The following SRA1 variants were observed in gnomAD, a reference collection of about 807,000 sequenced individuals.
SRA1 encodes steroid receptor RNA activator 1.
Under a neutral mutation model 24.3 loss-of-function variants are expected in SRA1, and 25 were observed. The observed-to-expected ratio is 1.03, with a 90% confidence interval of 0.75 to 1.43. SRA1 has a LOEUF of 1.43. Among genes scored for constraint, SRA1 ranks in the 40% most tolerant of loss-of-function variants. The pLI is 0.00. For synonymous variants in SRA1, 104 were observed against 109.5 expected (o/e 0.95, Z 0.31); for missense variants, 303 against 286.6 (o/e 1.06, Z -0.41).
intron 3 of SRA1, 72 bp downstream of exon 3, chr5:140,551,910 A>G (rs774791767): frequency 5.0e-5 from 70 of 1,408,708 alleles, no homozygotes; most frequent in Middle Eastern, 2.2e-4. Context: ...CAGAGGGTCT[A>G]TCTCTGGGAA....
chr5:140,551,854 G>T, intron 3 of SRA1, 128 bp downstream of exon 3: 1 of 773,102 alleles, frequency 1.3e-6, no homozygotes, highest in Non-Finnish European at 2.1e-6. Flanking sequence ...AGCAGATTCT[G>T]AAGGAGTCCG....
rs1171124173 is a variant in SRA1 at position 140,551,146 on chromosome 5, G to A, written c.378C>T (p.Ser126=). 6.2e-7 allele frequency: 1 copy of A among 1,614,098 alleles called. No individual in the cohort carries two copies. The highest frequency in any genetic ancestry group is 1.1e-5 in the South Asian group (1 of 91,070). The stretch of plus-strand genomic sequence containing the variant: ...GTTCCTGCAGCAGTGCCAGGCGTCG[G>A]CTGATGTCATCACATACCTGCTTCT... ...HTRKQVCDDI[S]RRLALLQEQW... is the part of the protein sequence containing the mutation. Residue 126 remains serine, a synonymous_variant, in exon 4 of 5, where the codon AGC becomes AGT. Coordinates refer to ENST00000336283, the MANE Select transcript of SRA1 (RefSeq NM_001035235.4).
upstream of SRA1, chr5:140,558,008 ACT>A (rs1417388237): frequency 5.9e-6 from 1 of 168,482 alleles, no homozygotes; most frequent in Non-Finnish European, 1.3e-5. Flanking sequence ...GCCTTATTTG[ACT>A]CTTGTTCGTT....
At chr5:140,552,665 A>G (rs1754598717) in intron 2 of SRA1, among the ~76,000 whole-genome samples, 1 of 151,912 alleles carries the variant, frequency 6.6e-6, no homozygotes, top group Admixed American at 6.6e-5. Context: ...AAAAAAAAAA[A>G]AAAGAAAAGA....
At chr5:140,557,535 C>G (rs571026874), upstream of SRA1, 248 of 1,480,292 alleles carry the variant, frequency 1.7e-4, 3 homozygotes, top group South Asian at 3.1e-3. Flanking sequence ...CGTCCAGGGC[C>G]AGGCGGGTTG....
chr5:140,552,331 C>G (rs922869474), intron 2 of SRA1, 147 bp from the exon 3 acceptor site: 12 of 659,226 alleles, frequency 1.8e-5, no homozygotes, highest in Non-Finnish European at 2.8e-5. Context: ...CTACGCCAGA[C>G]AATATGCTAG....
At position 140,550,605 on chromosome 5, in the gene SRA1, G is replaced by T; in HGVS notation, c.*95C>A. On this transcript the variant is annotated 3_prime_UTR_variant, in exon 5 of 5. Transcript: ENST00000336283. Reference sequence around the variant, plus strand: ...TTCCCTCATAGGTGGGTCAGGCCCAGTGGGACAGTCTTGGTGGTGGTAAGA... The same window carrying T: ...TTCCCTCATAGGTGGGTCAGGCCCATTGGGACAGTCTTGGTGGTGGTAAGA... 1.6e-6 allele frequency: 2 copies of T among 1,261,350 alleles called. No homozygotes were observed. Among genetic ancestry groups the T allele is most frequent in the Non-Finnish European group, 2.3e-6 (2 of 868,154 alleles). 78.1% of individuals were successfully genotyped at this position (1,261,350 alleles called of 1,614,324 possible).
At chr5:140,557,335 G>A in intron 1 of SRA1, 63 bp from the exon 2 acceptor site, 1 of 1,604,446 alleles carries the variant, frequency 6.2e-7, no homozygotes, top group Non-Finnish European at 8.5e-7. Flanking sequence ...TACTGGGGCT[G>A]GGGGAGACAG....
intron 2 of SRA1, among the ~76,000 whole-genome samples, chr5:140,555,659 T>C (rs1265360982): frequency 6.6e-6 from 1 of 152,214 alleles, no homozygotes; most frequent in East Asian, 1.9e-4. Flanking sequence ...AATACCATCC[T>C]TGTAATGGTG....
At chr5:140,553,419 T>C (rs911421724) in intron 2 of SRA1, among the ~76,000 whole-genome samples, 7 of 151,896 alleles carry the variant, frequency 4.6e-5, no homozygotes, top group African/African-American at 7.3e-5. Context: ...CTATGAAGAG[T>C]TGAAGGAACA....
At position 140,550,703 on chromosome 5, in the gene SRA1, T is replaced by A. The variant is rs1483127122; in HGVS notation, c.672A>T (p.Ser224=). The change falls in exon 5 of 5, where the codon TCA becomes TCT. Residue 224 remains serine, a synonymous_variant. Coordinates refer to ENST00000336283, the MANE Select transcript of SRA1 (RefSeq NM_001035235.4). Reference sequence around the variant, plus strand: ...GGTGAGTCTGGGGAACCGAGGATTATGAAGCCTGCTGGAAGCCTGGTATGG... The same window carrying A: ...GGTGAGTCTGGGGAACCGAGGATTAAGAAGCCTGCTGGAAGCCTGGTATGG... ...NHTIPGFQQA[S] 6.2e-7 allele frequency: 1 copy of A among 1,614,132 alleles called. No individual in the cohort carries two copies. The highest frequency in any genetic ancestry group is 8.5e-7 in the Non-Finnish European group (1 of 1,180,012).
intron 4 of SRA1, 25 bp downstream of exon 4, chr5:140,551,036 G>A (rs760721364): frequency 5.6e-6 from 9 of 1,597,858 alleles, no homozygotes; most frequent in Non-Finnish European, 7.7e-6. Context: ...AGGGATTTAG[G>A]CTATACCAAA....
chr5:140,552,814 T>A (rs1754601801), intron 2 of SRA1, among the ~76,000 whole-genome samples: 1 of 151,958 alleles, frequency 6.6e-6, no homozygotes, highest in African/African-American at 2.4e-5. Flanking sequence ...TATAAAAAAA[T>A]TTTAAAAGTT....
intron 1 of SRA1, 77 bp from the exon 2 acceptor site, chr5:140,557,349 G>C: frequency 6.2e-7 from 1 of 1,604,034 alleles, no homozygotes; most frequent in African/African-American, 1.3e-5. Flanking sequence ...GAGACAGAGG[G>C]TCCATACTAA....
At chr5:140,553,256 G>A (rs1754610508) in intron 2 of SRA1, among the ~76,000 whole-genome samples, 2 of 151,528 alleles carry the variant, frequency 1.3e-5, no homozygotes, top group African/African-American at 4.9e-5. Context: ...CAGGAGGATC[G>A]CTTGAGCCCA....
chr5:140,557,035 TCTCTC>T, intron 2 of SRA1, 107 bp downstream of exon 2: 1 of 1,017,786 alleles, frequency 9.8e-7, no homozygotes, highest in Non-Finnish European at 1.4e-6. Context: ...CCCCAAAACT[TCTCTC>T]CTTAAGGAGC....
In SRA1 at chr5:140,551,898, G is replaced by A. The variant is rs1042917385; in HGVS notation, c.354+84C>T. ...AAAGGATTAAGAACCTGTCCACTGG[G>A]TCAGAGGGTCTATCTCTGGGAACCA... is the stretch of plus-strand genomic sequence containing the variant. On this transcript the variant is annotated intron_variant, in intron 3 of 4. Coordinates refer to ENST00000336283, the MANE Select transcript of SRA1 (RefSeq NM_001035235.4). 10 of 1,282,796 alleles carry A rather than the reference G, an allele frequency of 7.8e-6. No individual in the cohort carries two copies. In the African/African-American group the frequency reaches 1.5e-4, roughly 19 times the overall value. The allele number at this position is 1,282,796 out of a possible 1,614,324, so 79.5% of individuals were successfully genotyped here.
upstream of SRA1, chr5:140,557,600 G>A (rs897968410): frequency 2.7e-5 from 25 of 916,558 alleles, no homozygotes; most frequent in Non-Finnish European, 3.5e-5. Flanking sequence ...CCGCTGTGGG[G>A]ACCCTGCGGC....
At chr5:140,557,538 GCGGGTTGC>G, upstream of SRA1, 2 of 1,472,012 alleles carry the variant, frequency 1.4e-6, no homozygotes, top group South Asian at 2.6e-5. Context: ...CCAGGGCCAG[GCGGGTTGC>G]CGGAATCCGT....
Sources: gnomAD v4.1 joint callset for allele counts (sites outside exome capture counted in the v4.1 genomes callset) on GRCh38, gnomAD v4.1.1 for gene constraint, MANE v1.5 for transcripts, NCBI Gene and HGNC (gene_info 2026-07-23, HGNC 2026-07-21) for gene names.